Variants in TG observed in about 807,000 individuals in gnomAD.
TG encodes the protein thyroid hormones.
In TG, 270 loss-of-function variants were observed where a neutral mutation model predicts 324.7. The observed-to-expected ratio is 0.83, with a 90% CI of 0.75 to 0.92. TG has a LOEUF of 0.92. Ranked by LOEUF, TG falls within the 40% of genes least tolerant of loss-of-function variation. The pLI, the probability that TG is intolerant of heterozygous loss-of-function variation, is 0.00. For synonymous variants in TG, 1,401 were observed against 1,327.0 expected (o/e 1.06, Z -1.21); for missense variants, 3,591 against 3,456.4 (o/e 1.04, Z -0.98).
intron 24 of TG, among the ~76,000 whole-genome samples, chr8:132,935,217 T>C (rs1261543882): frequency 6.6e-6 from 1 of 151,526 alleles, no homozygotes; most frequent in African/African-American, 2.4e-5. Context: ...CTAGGCTCAC[T>C]GCAACCTCCG....
chr8:133,050,796 GT>G lies in TG; in HGVS notation c.7239+20777del, dbSNP rs1265438196. On this transcript the variant is annotated intron_variant, in intron 41 of 47. Coordinates refer to ENST00000220616, the MANE Select transcript of TG (RefSeq NM_003235.5). ...TTATCCTGCTTTGAAGATTGCACAA[GT>G]TTTGGAGAGCTGACTCACTCAGAAA... The G allele has an allele frequency of 3.3e-6, 5 of 1,501,084 alleles. No homozygotes were observed. The East Asian group carries it at 1.1e-4, about 34-fold the overall frequency. The allele number at this position is 1,501,084 out of a possible 1,614,324, so 93.0% of individuals were successfully genotyped here.
intron 8 of TG, among the ~76,000 whole-genome samples, chr8:132,886,081 T>C (rs1426560397): frequency 6.6e-6 from 1 of 152,212 alleles, no homozygotes; most frequent in Non-Finnish European, 1.5e-5. Context: ...TGAGGTTCCC[T>C]GTAGACATGA....
At chr8:133,077,863 C>T (rs1173249618) in intron 41 of TG, among the ~76,000 whole-genome samples, 3 of 151,750 alleles carry the variant, frequency 2.0e-5, no homozygotes, top group Non-Finnish European at 2.9e-5. Context: ...ACAGCAGGAG[C>T]CCCCCGCACC....
intron 24 of TG, among the ~76,000 whole-genome samples, chr8:132,934,825 T>C (rs1823329919): frequency 6.6e-6 from 1 of 152,168 alleles, no homozygotes; most frequent in Non-Finnish European, 1.5e-5. Flanking sequence ...GCAAGACTGC[T>C]GAAAGTAAGT....
intron 16 of TG, among the ~76,000 whole-genome samples, chr8:132,903,475 G>C (rs1488328626): frequency 2.6e-5 from 4 of 152,240 alleles, no homozygotes; most frequent in Non-Finnish European, 4.4e-5. Context: ...GCAGGGCAAG[G>C]GAGTTTGGGA....
chr8:133,113,095 C>T (rs1433618206), intron 43 of TG, among the ~76,000 whole-genome samples: 1 of 152,156 alleles, frequency 6.6e-6, no homozygotes, highest in African/African-American at 2.4e-5. Context: ...TTGACCTGTT[C>T]TCAGACTGCA....
chr8:133,077,199 TA>T (rs1845023846), intron 41 of TG, among the ~76,000 whole-genome samples: 1 of 152,160 alleles, frequency 6.6e-6, no homozygotes. Flanking sequence ...ACACAAGCTT[TA>T]AAAGTTTTTG....
At chr8:132,902,517 C>A (rs1253651945) in intron 16 of TG, among the ~76,000 whole-genome samples, 1 of 152,144 alleles carries the variant, frequency 6.6e-6, no homozygotes, top group Non-Finnish European at 1.5e-5. Context: ...TTACCACACA[C>A]CGTTTCCCCC....
intron 41 of TG, among the ~76,000 whole-genome samples, chr8:133,078,646 G>A (rs2702973): frequency 0.46 from 70,253 of 152,010 alleles, 16,637 homozygotes; most frequent in African/African-American, 0.53. Context: ...TAACTGTACT[G>A]TGTGCCAGGC....
At chr8:132,956,009 T>C (rs1195350866) in intron 27 of TG, among the ~76,000 whole-genome samples, 2 of 152,218 alleles carry the variant, frequency 1.3e-5, no homozygotes, top group Non-Finnish European at 2.9e-5. Context: ...ATATTCTAAC[T>C]CAGTTATTGG....
chr8:132,890,355 G>A (rs187725248), intron 10 of TG, among the ~76,000 whole-genome samples: 14 of 152,216 alleles, frequency 9.2e-5, no homozygotes, highest in Admixed American at 8.5e-4. Context: ...ATTTTTGGGG[G>A]GGGTGCATAT....
At position 133,116,616 on chromosome 8, in the gene TG, T is replaced by C. The variant is rs758332514; in HGVS notation, c.7762T>C (p.Phe2588Leu). Residue 2588 changes from phenylalanine to leucine, a missense_variant, in exon 45 of 48, where the codon TTT becomes CTT. By Grantham distance (22) the Phe-to-Leu change is conservative. Coordinates refer to ENST00000220616, the MANE Select transcript of TG (RefSeq NM_003235.5). ...RALENATRDY[F>L]IICPIIDMAS... ...ATGTTCTCTTTTCACCAGGGACTAC[T>C]TTATCATCTGCCCTATAATCGACAT... 9 of 1,613,994 alleles carry C rather than the reference T, an allele frequency of 5.6e-6. No homozygotes were observed. In the African/African-American group the frequency reaches 1.2e-4, roughly 22 times the overall value.
At chr8:132,884,409 G>A (rs1306563586) in intron 8 of TG, among the ~76,000 whole-genome samples, 1 of 152,236 alleles carries the variant, frequency 6.6e-6, no homozygotes, top group African/African-American at 2.4e-5. Context: ...ACTTGGGGAA[G>A]CTGGGTAGAT....
intron 35 of TG, among the ~76,000 whole-genome samples, chr8:133,010,355 T>C (rs1441805651): frequency 6.6e-6 from 1 of 152,224 alleles, no homozygotes; most frequent in African/African-American, 2.4e-5. Context: ...GTGCTATGCT[T>C]GTGATCGCCA....
intron 45 of TG, among the ~76,000 whole-genome samples, chr8:133,120,910 C>T (rs569893555): frequency 2.1e-4 from 32 of 152,302 alleles, no homozygotes; most frequent in Non-Finnish European, 3.4e-4. Flanking sequence ...GGGTGGTCCT[C>T]AGAGGAGCAA....
chr8:132,920,440 C>A (rs1415557678), intron 21 of TG, among the ~76,000 whole-genome samples: 1 of 152,134 alleles, frequency 6.6e-6, no homozygotes, highest in Non-Finnish European at 1.5e-5. Context: ...AATAATAGAA[C>A]AGTAATTCCA....
chr8:132,871,356 T>G lies in TG; in HGVS notation c.283T>G (p.Phe95Val). Residue 95 changes from phenylalanine to valine, a missense_variant, in exon 4 of 48, where the codon TTT becomes GTT. Physicochemically the swap from Phe to Val is conservative, Grantham distance 50. Coordinates refer to ENST00000220616, the MANE Select transcript of TG (RefSeq NM_003235.5). ...QPGRPVACLS[F>V]CQLQKQQILL... ...GCTCCTTGTACCCACAGGTCTGTCA[T>G]TTTGTCAGCTACAGAAACAGCAGAT... 3 of 1,614,224 alleles carry G rather than the reference T, an allele frequency of 1.9e-6. No homozygotes were observed. Among genetic ancestry groups the G allele is most frequent in the Non-Finnish European group, 2.5e-6 (3 of 1,180,032 alleles).
Position 133,095,500 on chromosome 8 carries a change from C to A in TG, c.7404+292C>A, listed in dbSNP as rs13256652. Among the ~76,000 whole-genome samples the A allele has an allele frequency of 0.73, 110,832 of 152,112 alleles. 40,935 individuals are homozygous for A. The highest frequency in any genetic ancestry group is 0.8 in the African/African-American group (33,318 of 41,520). ...ATAGAGTAGGAGGAGAAAATGAAGT[C>A]ACACATGTGAAGGATTTGGCCTCAC... is the stretch of plus-strand genomic sequence containing the variant. On this transcript the variant is annotated intron_variant, in intron 42 of 47. Coordinates refer to ENST00000220616, the MANE Select transcript of TG (RefSeq NM_003235.5).
intron 41 of TG, among the ~76,000 whole-genome samples, chr8:133,044,277 T>C (rs970514762): frequency 2.6e-5 from 4 of 152,168 alleles, no homozygotes; most frequent in Admixed American, 1.3e-4. Flanking sequence ...CTCAACTTTC[T>C]CTCTCTGGCA....
Sources: gnomAD v4.1 joint callset for allele counts (sites outside exome capture counted in the v4.1 genomes callset) on GRCh38, gnomAD v4.1.1 for gene constraint, MANE v1.5 for transcripts, NCBI Gene and HGNC (gene_info 2026-07-23, HGNC 2026-07-21) for gene names.